Variants in TNNT3 observed in about 807,000 individuals in gnomAD.
TNNT3 encodes the protein troponin T, fast skeletal muscle.
A neutral mutation model predicts 54.2 loss-of-function variants in TNNT3; 36 were observed. The observed-to-expected ratio is 0.66, with a 90% CI of 0.51 to 0.88. The LOEUF (loss-of-function observed/expected upper bound fraction) is 0.88. Ranked by LOEUF, TNNT3 falls within the 40% of genes least tolerant of loss-of-function variation. The probability of loss-of-function intolerance (pLI) is 0.00; values close to 1 mark genes in which losing one functional copy is unlikely to be tolerated. For synonymous variants in TNNT3, 120 were observed against 109.7 expected, an observed-to-expected ratio of 1.09 and a Z score of -0.59; for missense variants, 291 against 331.6, an observed-to-expected ratio of 0.88 and a Z score of 0.95.
chr11:1,920,251 T>C (rs73413011), intron 1 of TNNT3, among the ~76,000 whole-genome samples: 33,699 of 152,044 alleles, frequency 0.22, 3,951 homozygotes, highest in South Asian at 0.35. Context: ...TTTGTAGAGA[T>C]GAAAACGAGG....
chr11:1,923,022 T>A, intron 2 of TNNT3, 26 bp from the exon 3 acceptor site: 1 of 1,613,874 alleles, frequency 6.2e-7, no homozygotes, highest in Admixed American at 1.7e-5. Flanking sequence ...TCTCTCTTTC[T>A]TTCTCTCTCT....
intron 5 of TNNT3, 98 bp from the exon 6 acceptor site, chr11:1,926,597 C>G: frequency 6.2e-7 from 1 of 1,608,464 alleles, no homozygotes; most frequent in Non-Finnish European, 8.5e-7. Flanking sequence ...CTCGCTCCGC[C>G]GCCTCGGCCC....
At chr11:1,920,309 G>A (rs1849804544) in intron 1 of TNNT3, among the ~76,000 whole-genome samples, 1 of 152,198 alleles carries the variant, frequency 6.6e-6, no homozygotes, top group African/African-American at 2.4e-5. Context: ...GTGTTGGGGT[G>A]GGGGCGTCTA....
At chr11:1,926,436 G>C (rs767951208) in intron 5 of TNNT3, 208 of 1,613,008 alleles carry the variant, frequency 1.3e-4, no homozygotes, top group Non-Finnish European at 1.7e-4. Context: ...CCGCGGTTTT[G>C]CCTCTTGTTC....
chr11:1,938,506 GC>G lies in TNNT3; in HGVS notation c.*18del. The G allele has an allele frequency of 6.2e-7, 1 of 1,612,902 alleles. No individual in the cohort carries two copies. ...CGCTGGAAGTAGAGAGGCCAGAAAG[GC>G]CCCTCGAGGCAGAGACCCTCCGCCC... On this transcript the variant is annotated 3_prime_UTR_variant, in exon 16 of 16. Transcript: ENST00000278317.
intron 1 of TNNT3, among the ~76,000 whole-genome samples, chr11:1,922,104 C>CGG (rs59170341): frequency 1.3e-5 from 2 of 152,192 alleles, no homozygotes; most frequent in African/African-American, 4.8e-5. Context: ...GAGCCCGGCC[C>CGG]GGGGGGGTGC....
At chr11:1,925,270 G>A (rs1411666338) in intron 5 of TNNT3, 154 bp downstream of exon 5, 1 of 1,603,828 alleles carries the variant, frequency 6.2e-7, no homozygotes, top group Non-Finnish European at 8.5e-7. Context: ...AGAAGTCCAT[G>A]AGGAAGGTAT....
intron 14 of TNNT3, chr11:1,935,175 T>C: frequency 3.5e-6 from 2 of 573,732 alleles, no homozygotes; most frequent in Non-Finnish European, 6.3e-6. Context: ...CGGCCTTGGT[T>C]ACCCCTGCCA....
intron 1 of TNNT3, among the ~76,000 whole-genome samples, chr11:1,920,516 G>A (rs1049809648): frequency 1.3e-4 from 17 of 131,210 alleles, no homozygotes; most frequent in Non-Finnish European, 4.6e-5. Flanking sequence ...GACTTGTGCC[G>A]TCTGATCAGG....
intron 1 of TNNT3, among the ~76,000 whole-genome samples, chr11:1,921,789 A>C (rs1168823396): frequency 6.6e-6 from 1 of 152,204 alleles, no homozygotes; most frequent in Non-Finnish European, 1.5e-5. Context: ...GTCTTCGAGT[A>C]ATCTGTACTG....
chr11:1,937,348 C>T (rs958170758), intron 15 of TNNT3, among the ~76,000 whole-genome samples: 1 of 152,136 alleles, frequency 6.6e-6, no homozygotes, highest in Non-Finnish European at 1.5e-5. Context: ...TTTGGTGTGG[C>T]CAACCTGGGC....
chr11:1,934,227 G>A, intron 11 of TNNT3, 105 bp from the exon 12 acceptor site: 1 of 1,147,184 alleles, frequency 8.7e-7, no homozygotes, highest in Non-Finnish European at 1.3e-6. Context: ...AGCCCAGGGT[G>A]GGCCCTTCCA....
intron 7 of TNNT3, among the ~76,000 whole-genome samples, chr11:1,929,410 A>G (rs918188725): frequency 8.5e-5 from 13 of 152,294 alleles, no homozygotes; most frequent in Admixed American, 8.5e-4. Flanking sequence ...CAGCAGTGCC[A>G]GAGCCCGGGC....
In TNNT3 at chr11:1,932,499, G is replaced by C. The variant is rs776425941; in HGVS notation, c.156G>C (p.Glu52Asp). 6.2e-7 allele frequency: 1 copy of C among 1,613,792 alleles called. No homozygotes were observed. Among genetic ancestry groups the C allele is most frequent in the African/African-American group, 1.3e-5 (1 of 74,908 alleles). ...CTGCTCCTAAGATCCCAGAAGGGGAGAAAGTGGACTTCGATGTAAGTTTAC... is the reference window on the plus strand; with the variant it reads ...CTGCTCCTAAGATCCCAGAAGGGGACAAAGTGGACTTCGATGTAAGTTTAC... ...KLTAPKIPEG[E>D]KVDFDDIQKK... The change falls in exon 9 of 16, where the codon GAG (glutamate) becomes GAC (aspartate). Residue 52 changes from glutamate (E) to aspartate (D), a missense_variant. Physicochemically the swap from Glu to Asp is conservative, Grantham distance 45. Transcript: ENST00000278317.
At chr11:1,932,199 G>A (rs1853582753) in intron 8 of TNNT3, among the ~76,000 whole-genome samples, 1 of 152,282 alleles carries the variant, frequency 6.6e-6, no homozygotes, top group Non-Finnish European at 1.5e-5. Flanking sequence ...CTGGGGTGCA[G>A]TGACATTGCA....
rs766691409 is a variant in TNNT3, at chr11:1,934,906, G to A, written c.668G>A (p.Arg223His). 8.7e-6 allele frequency: 14 copies of A among 1,613,540 alleles called. No homozygotes were observed. The highest frequency in any genetic ancestry group is 1.7e-5 in the Admixed American group (1 of 60,032). ...DKFEFGEKLKRQKYDITTLRS... is the reference protein window; with the variant it reads ...DKFEFGEKLKHQKYDITTLRS... ...TTCGAGTTTGGGGAGAAGCTGAAACGCCAGAAATATGACGTGAGTCCCGGC... is the reference window on the plus strand; with the variant it reads ...TTCGAGTTTGGGGAGAAGCTGAAACACCAGAAATATGACGTGAGTCCCGGC... The change falls in exon 14 of 16, where the codon CGC (arginine) becomes CAC (histidine). Residue 223 changes from arginine (R) to histidine (H), a missense_variant. Arg to His is a conservative substitution (Grantham distance 29). Coordinates refer to ENST00000278317, the MANE Select transcript of TNNT3 (RefSeq NM_006757.4).
Position 1,936,359 on chromosome 11 carries a change from A to C in TNNT3, c.682-604A>C, listed in dbSNP as rs1855039373. On this transcript the variant is annotated intron_variant, in intron 14 of 15. Coordinates refer to ENST00000278317, the MANE Select transcript of TNNT3 (RefSeq NM_006757.4). ...CTGGATCGCTCAGGATGCTGGCGGCAGGGGGCCTGGAGCCTTCCTCCTGCC... is the reference window on the plus strand; with the variant it reads ...CTGGATCGCTCAGGATGCTGGCGGCCGGGGGCCTGGAGCCTTCCTCCTGCC... The C allele has an allele frequency of 3.0e-6, 4 of 1,335,184 alleles. No individual in the cohort carries two copies. In the Admixed American group the frequency reaches 5.4e-5, roughly 18 times the overall value. 82.7% of individuals were successfully genotyped at this position (1,335,184 alleles called of 1,614,324 possible).
At position 1,933,645 on chromosome 11, in the gene TNNT3, C is replaced by G. The variant is rs1194416510; in HGVS notation, c.172-76C>G. The G allele has an allele frequency of 2.5e-6, 3 of 1,184,674 alleles. No homozygotes were observed. In the African/African-American group the frequency reaches 4.5e-5, roughly 18 times the overall value. 73.4% of individuals were successfully genotyped at this position (1,184,674 alleles called of 1,614,324 possible). A position where few individuals can be genotyped will look rare whatever the true frequency, so the allele number is the denominator to read the frequency against. The stretch of plus-strand genomic sequence containing the variant: ...TCTGCTGGGGCAAAGGAAGGGACCT[C>G]TTGCTGCAAGGCAGGCCAGGCAGGG... On this transcript the variant is annotated intron_variant, in intron 9 of 15. Transcript: ENST00000278317.
intron 14 of TNNT3, chr11:1,935,371 C>A: frequency 3.3e-6 from 1 of 300,024 alleles, no homozygotes; most frequent in Admixed American, 4.4e-5. Context: ...TCCACCAGGG[C>A]CCCGGACACC....
Sources: gnomAD v4.1 joint callset for allele counts (sites outside exome capture counted in the v4.1 genomes callset) on GRCh38, gnomAD v4.1.1 for gene constraint, MANE v1.5 for transcripts, NCBI Gene and HGNC (gene_info 2026-07-23, HGNC 2026-07-21) for gene names.